FAM200B: variants seen among roughly 807,000 people sequenced by gnomAD.
FAM200B encodes the protein protein FAM200B.
FAM200B carries 32 observed loss-of-function variants against 33.1 expected under a neutral mutation model. That is an observed-to-expected ratio of 0.97 (90% CI 0.73 to 1.30). FAM200B has a LOEUF of 1.30. Ranked by LOEUF, FAM200B falls within the 50% of genes most tolerant of loss-of-function variation. The probability of loss-of-function intolerance (pLI) is 0.00; values close to 1 mark genes in which losing one functional copy is unlikely to be tolerated. For missense variants in FAM200B, 741 were observed against 754.0 expected, an observed-to-expected ratio of 0.98 and a Z score of 0.20; for synonymous variants, 240 against 264.8, an observed-to-expected ratio of 0.91 and a Z score of 0.91.
the FAM200B span, among the ~76,000 whole-genome samples, chr4:15,663,593 C>T: frequency 4.6e-5 from 7 of 152,208 alleles, no homozygotes; most frequent in Admixed American, 3.3e-4. Context: ...CTATTCTGCT[C>T]ACTCATCTGT....
the FAM200B span, chr4:15,638,743 T>A: frequency 8.3e-7 from 1 of 1,198,470 alleles, no homozygotes. Flanking sequence ...TTCGTGTTGA[T>A]TTACTCTAAA....
the FAM200B span, among the ~76,000 whole-genome samples, chr4:15,641,924 G>A: frequency 6.6e-6 from 1 of 151,942 alleles, no homozygotes; most frequent in African/African-American, 2.4e-5. Context: ...CTACTCGAGA[G>A]GCTGAGGCAC....
upstream of FAM200B, among the ~76,000 whole-genome samples, chr4:15,677,673 C>G (rs1718045315): frequency 6.6e-6 from 1 of 152,172 alleles, no homozygotes. Context: ...AAGTTTTGCA[C>G]CCTCTGTCCT....
the FAM200B span, among the ~76,000 whole-genome samples, chr4:15,675,529 T>C: frequency 6.6e-6 from 1 of 151,102 alleles, no homozygotes; most frequent in Non-Finnish European, 1.5e-5. Context: ...ACTCAAGGAG[T>C]TGAACCTTCA....
intron 1 of FAM200B, among the ~76,000 whole-genome samples, chr4:15,682,889 T>C (rs1718460931): frequency 6.6e-6 from 1 of 152,186 alleles, no homozygotes; most frequent in Non-Finnish European, 1.5e-5. Context: ...TACTGAAATG[T>C]AGAATGTATG....
the FAM200B span, among the ~76,000 whole-genome samples, chr4:15,647,431 T>C: frequency 2.6e-5 from 4 of 152,238 alleles, no homozygotes; most frequent in African/African-American, 9.6e-5. Context: ...TGAGCATCTA[T>C]GGAGTTTGGT....
the FAM200B span, among the ~76,000 whole-genome samples, chr4:15,645,843 T>A: frequency 3.3e-5 from 5 of 152,250 alleles, no homozygotes; most frequent in Non-Finnish European, 5.9e-5. Flanking sequence ...GAAAATTAAA[T>A]ATTCATTTTT....
At chr4:15,681,117 G>A (rs969276629), upstream of FAM200B, among the ~76,000 whole-genome samples, 1 of 151,968 alleles carries the variant, frequency 6.6e-6, no homozygotes, top group Non-Finnish European at 1.5e-5. Context: ...TCTATTTAAT[G>A]AAATGCAGTT....
rs1437456891 is a variant in FAM200B at position 15,687,256 on chromosome 4, T to C, written c.279T>C (p.Leu93=). 1.3e-6 allele frequency: 2 copies of C among 1,546,412 alleles called. No homozygotes were observed. The highest frequency in any genetic ancestry group is 2.4e-5 in the South Asian group (2 of 82,386). Residue 93 remains leucine, a synonymous_variant, in exon 2 of 2, where the codon CTT becomes CTC. Transcript: ENST00000422728. ...RPQCVICNNI[L]ANESLKPSKL... ...AGTGTGTTATTTGTAATAATATTCT[T>C]GCGAATGAAAGCTTAAAACCTTCGA...
chr4:15,678,207 C>T (rs1718066176), upstream of FAM200B, among the ~76,000 whole-genome samples: 1 of 152,154 alleles, frequency 6.6e-6, no homozygotes, highest in Non-Finnish European at 1.5e-5. Flanking sequence ...TGTTAAGTCT[C>T]AAAACAGGCA....
the FAM200B span, among the ~76,000 whole-genome samples, chr4:15,653,249 A>C: frequency 6.6e-6 from 1 of 152,214 alleles, no homozygotes; most frequent in African/African-American, 2.4e-5. Context: ...TGTCAAATTG[A>C]AAATGCTTTA....
the FAM200B span, among the ~76,000 whole-genome samples, chr4:15,661,835 G>A: frequency 2.5e-4 from 38 of 152,290 alleles, no homozygotes; most frequent in Non-Finnish European, 4.7e-4. Context: ...CTAAAGCTGC[G>A]ATCATCCGAT....
At chr4:15,685,923 A>G (rs1718798297) in intron 1 of FAM200B, among the ~76,000 whole-genome samples, 1 of 152,200 alleles carries the variant, frequency 6.6e-6, no homozygotes, top group Admixed American at 6.5e-5. Context: ...GCGGCCAAGC[A>G]AAAAGGAAGT....
chr4:15,681,550 GTC>G (rs1718275466), upstream of FAM200B: 1 of 154,616 alleles, frequency 6.5e-6, no homozygotes, highest in Non-Finnish European at 1.5e-5. Flanking sequence ...TCTCCGCGGT[GTC>G]TCCTAGGGTT....
At chr4:15,657,383 CT>C in the FAM200B span, among the ~76,000 whole-genome samples, 1 of 152,176 alleles carries the variant, frequency 6.6e-6, no homozygotes, top group Non-Finnish European at 1.5e-5. Flanking sequence ...GTGTAATTTC[CT>C]CATTTTTACT....
chr4:15,688,097 G>A lies in FAM200B; in HGVS notation c.1120G>A (p.Gly374Arg). 1.3e-6 allele frequency: 2 copies of A among 1,551,160 alleles called. No individual in the cohort carries two copies. The highest frequency in any genetic ancestry group is 1.7e-6 in the Non-Finnish European group (2 of 1,146,764). ...RLLETFCSEI[G>R]TNHTHLLYHT... Reference sequence around the variant, plus strand: ...TCTTGAAACATTTTGTTCAGAGATTGGAACTAATCATACCCACTTACTATA... The same window carrying A: ...TCTTGAAACATTTTGTTCAGAGATTAGAACTAATCATACCCACTTACTATA... Residue 374 changes from glycine to arginine, a missense_variant, in exon 2 of 2, where the codon GGA becomes AGA. Transcript: ENST00000422728.
At chr4:15,648,682 G>C in the FAM200B span, among the ~76,000 whole-genome samples, 1 of 152,300 alleles carries the variant, frequency 6.6e-6, no homozygotes, top group East Asian at 1.9e-4. Flanking sequence ...CAGAAGCAGA[G>C]AATATGAAAG....
chr4:15,688,666 G>A lies in FAM200B; in HGVS notation c.1689G>A (p.Leu563=). 1 of 1,551,340 alleles carries A rather than the reference G, an allele frequency of 6.4e-7. No homozygotes were observed. The highest frequency in any genetic ancestry group is 1.4e-5 in the African/African-American group (1 of 73,152). Residue 563 remains leucine (L), a synonymous_variant, in exon 2 of 2, where the codon TTG becomes TTA. Transcript: ENST00000422728. ...TGCCTGAAGAAGAGAATGAATTATT[G>A]CAGCTTAGTTCTTCATATACATTGA... ...NLVPEEENEL[L]QLSSSYTLKN...
In FAM200B at chr4:15,687,811, G is replaced by A. The variant is rs776399933; in HGVS notation, c.834G>A (p.Arg278=). The A allele has an allele frequency of 2.8e-5, 44 of 1,550,954 alleles. No homozygotes were observed. The Middle Eastern group carries it at 5.0e-4, about 18-fold the overall frequency. ...SGLDIFTELE[R]RIVGQYKLNW... Reference sequence around the variant, plus strand: ...TAGATATTTTTACAGAATTAGAAAGGCGCATAGTTGGCCAATATAAATTAA... The same window carrying A: ...TAGATATTTTTACAGAATTAGAAAGACGCATAGTTGGCCAATATAAATTAA... Residue 278 remains arginine (R), a synonymous_variant, in exon 2 of 2, where the codon AGG becomes AGA. Transcript: ENST00000422728.
Sources: allele counts gnomAD v4.1 joint callset (sites outside exome capture counted in the v4.1 genomes callset), GRCh38; gene constraint gnomAD v4.1.1; transcripts MANE v1.5; gene names NCBI Gene and HGNC (gene_info 2026-07-23, HGNC 2026-07-21).